Variants in PALLD observed in about 807,000 individuals in gnomAD.
PALLD encodes palladin, cytoskeletal associated protein.
PALLD carries 61 observed loss-of-function variants against 123.5 expected under a neutral mutation model. That is an observed-to-expected ratio of 0.49 (90% CI 0.40 to 0.61). The LOEUF (loss-of-function observed/expected upper bound fraction) is 0.61, where lower values mean the gene tolerates loss of function less well. PALLD is among the 20% of genes least tolerant of loss of function. The pLI is 0.00. For synonymous variants in PALLD, 465 were observed against 496.4 expected (o/e 0.94, Z 0.84); for missense variants, 1,273 against 1,377.0 (o/e 0.92, Z 1.20).
chr4:168,694,568 TC>T (rs1782964039), intron 8 of PALLD, among the ~76,000 whole-genome samples: 2 of 152,138 alleles, frequency 1.3e-5, no homozygotes, highest in Admixed American at 6.5e-5. Flanking sequence ...TTTACTCTCT[TC>T]CTTATTCATG....
rs116433653 is a variant in PALLD, at chr4:168,547,379, C to G, written c.908+34967C>G. 5.6e-3 allele frequency among the ~76,000 whole-genome samples: 843 copies of G among 151,632 alleles called. 15 individuals are homozygous for G. Among genetic ancestry groups the G allele is most frequent in the African/African-American group, 0.02 (823 of 41,356 alleles). ...TGTGTGTGTGTGGCCAGCATAACAC[C>G]GCCAATAACACCACAATGAACGTGG... On this transcript the variant is annotated intron_variant, in intron 2 of 21. Coordinates refer to ENST00000505667, the MANE Select transcript of PALLD (RefSeq NM_001166108.2).
At chr4:168,719,950 T>C (rs1785825906) in intron 10 of PALLD, among the ~76,000 whole-genome samples, 2 of 152,244 alleles carry the variant, frequency 1.3e-5, no homozygotes, top group Non-Finnish European at 2.9e-5. Flanking sequence ...ATTGTGTATA[T>C]GTACCACATT....
chr4:168,673,918 C>G (rs199582072), intron 3 of PALLD, among the ~76,000 whole-genome samples: 8 of 115,274 alleles, frequency 6.9e-5, no homozygotes, highest in South Asian at 3.0e-4. Context: ...GTGTGTGTGT[C>G]TGTGTGTGTA....
chr4:168,748,557 G>A (rs770781693), intron 10 of PALLD, among the ~76,000 whole-genome samples: 4 of 152,114 alleles, frequency 2.6e-5, no homozygotes, highest in South Asian at 2.1e-4. Flanking sequence ...AATAAGCTTC[G>A]TAAGTTCCTG....
chr4:168,623,111 C>T (rs553603472), intron 2 of PALLD, among the ~76,000 whole-genome samples: 3 of 152,294 alleles, frequency 2.0e-5, no homozygotes, highest in African/African-American at 4.8e-5. Context: ...TGTCTATCTA[C>T]TTGTATAAGA....
At chr4:168,818,685 A>G (rs1219820238) in intron 10 of PALLD, among the ~76,000 whole-genome samples, 1 of 152,256 alleles carries the variant, frequency 6.6e-6, no homozygotes, top group South Asian at 2.1e-4. Flanking sequence ...AAAGAAATGT[A>G]TAAGCCTGAA....
chr4:168,497,602 G>A (rs776364034), intron 1 of PALLD, among the ~76,000 whole-genome samples: 5 of 152,166 alleles, frequency 3.3e-5, no homozygotes, highest in Non-Finnish European at 7.3e-5. Context: ...AGTGATGATG[G>A]CTTAAAGTGA....
chr4:168,528,051 A>G (rs187082903), intron 2 of PALLD, among the ~76,000 whole-genome samples: 6 of 152,294 alleles, frequency 3.9e-5, no homozygotes, highest in Non-Finnish European at 8.8e-5. Context: ...TCATACTCTG[A>G]CGATACCTTC....
At chr4:168,639,761 G>A (rs1463100369) in intron 2 of PALLD, among the ~76,000 whole-genome samples, 1 of 151,964 alleles carries the variant, frequency 6.6e-6, no homozygotes, top group East Asian at 1.9e-4. Context: ...AGCCAGGATG[G>A]TCTCGATCTT....
intron 2 of PALLD, among the ~76,000 whole-genome samples, chr4:168,613,121 A>T (rs1773895685): frequency 6.6e-6 from 1 of 152,170 alleles, no homozygotes; most frequent in African/African-American, 2.4e-5. Flanking sequence ...ACCCTTTGCA[A>T]TGCATCACAC....
rs1177322659 is a variant in PALLD at position 168,903,848 on chromosome 4, C to A, written c.2564C>A (p.Thr855Asn). The A allele has an allele frequency of 6.2e-7, 1 of 1,613,686 alleles. No individual in the cohort carries two copies. The highest frequency in any genetic ancestry group is 8.5e-7 in the Non-Finnish European group (1 of 1,179,610). ...CTCGATGGGACCTGCTCCCTCCATA[C>A]CACAGCCTCCACCCTAGATGATGAT... is the stretch of plus-strand genomic sequence containing the variant. The part of the protein sequence containing the change: ...RDLDGTCSLH[T>N]TASTLDDDGN... The change falls in exon 15 of 22, where the codon ACC (threonine) becomes AAC (asparagine). Residue 855 changes from threonine (T) to asparagine (N), a missense_variant. Coordinates refer to ENST00000505667, the MANE Select transcript of PALLD (RefSeq NM_001166108.2).
intron 3 of PALLD, among the ~76,000 whole-genome samples, chr4:168,676,058 A>C (rs1220581490): frequency 1.3e-5 from 2 of 152,212 alleles, no homozygotes; most frequent in Non-Finnish European, 2.9e-5. Flanking sequence ...CTGTCTCAAA[A>C]AATAAAAATA....
chr4:168,555,766 C>G (rs1253955402), intron 2 of PALLD, among the ~76,000 whole-genome samples: 1 of 152,046 alleles, frequency 6.6e-6, no homozygotes, highest in Non-Finnish European at 1.5e-5. Context: ...TGATTTAATC[C>G]CTCATTATCC....
intron 14 of PALLD, among the ~76,000 whole-genome samples, 188 bp downstream of exon 14, chr4:168,898,902 G>T (rs576585348): frequency 1.3e-5 from 2 of 152,276 alleles, no homozygotes; most frequent in East Asian, 3.9e-4. Flanking sequence ...AAAGGTGGTG[G>T]GGGGAGTGGA....
intron 4 of PALLD, among the ~76,000 whole-genome samples, chr4:168,681,620 C>A (rs1781561527): frequency 1.4e-5 from 2 of 146,344 alleles, no homozygotes; most frequent in South Asian, 2.1e-4. Context: ...ACATGGCTCA[C>A]TGAAGCCTTG....
intron 17 of PALLD, among the ~76,000 whole-genome samples, chr4:168,919,871 C>T (rs745487288): frequency 1.3e-4 from 20 of 152,142 alleles, no homozygotes; most frequent in African/African-American, 1.7e-4. Context: ...CTTTACTTAG[C>T]CAGGAGAACT....
intron 2 of PALLD, among the ~76,000 whole-genome samples, chr4:168,533,299 G>A (rs1764772267): frequency 6.6e-6 from 1 of 152,076 alleles, no homozygotes. Context: ...AAAGAGACTA[G>A]ACGCTGTTAC....
In PALLD at chr4:168,511,794, A is replaced by G. The variant is rs1366536217; in HGVS notation, c.290A>G (p.Asn97Ser). ...GEHASRRPQD[N>S]RSTPVQPLAE... ...CACGCCTCGAGGAGACCTCAGGATA[A>G]CAGGTCAACACCTGTCCAGCCTCTG... Residue 97 changes from asparagine (N) to serine (S), a missense_variant, in exon 2 of 22, where the codon AAC becomes AGC. Physicochemically the swap from Asn to Ser is conservative, Grantham distance 46. Around this residue, in one of 2 missense-constraint regions of PALLD, gnomAD observed 944 missense variants for 954.5 expected, o/e 0.99. Transcript: ENST00000505667. 5 of 1,614,056 alleles carry G rather than the reference A, an allele frequency of 3.1e-6. No homozygotes were observed. In the African/African-American group the frequency reaches 6.7e-5, roughly 22 times the overall value.
chr4:168,665,969 G>A (rs1580838531), intron 2 of PALLD, among the ~76,000 whole-genome samples: 2 of 110,648 alleles, frequency 1.8e-5, no homozygotes, highest in Non-Finnish European at 3.6e-5. Flanking sequence ...TATGTTCCCC[G>A]CCCCCCACCA....
Sources: gnomAD v4.1 joint callset for allele counts (sites outside exome capture counted in the v4.1 genomes callset) on GRCh38, gnomAD v4.1.1 for gene constraint, gnomAD v4.1.1 regional missense constraint, MANE v1.5 for transcripts, NCBI Gene and HGNC (gene_info 2026-07-23, HGNC 2026-07-21) for gene names.